Variants in UBE2Q2 observed in about 807,000 individuals in gnomAD.
UBE2Q2 encodes the protein ubiquitin-conjugating enzyme E2 Q2.
In UBE2Q2, 54 loss-of-function variants were observed where a neutral mutation model predicts 59.9. The observed-to-expected ratio is 0.90, with a 90% CI of 0.72 to 1.13. The LOEUF (loss-of-function observed/expected upper bound fraction) is 1.13. Among genes scored for constraint, UBE2Q2 ranks in the 50% most tolerant of loss-of-function variants. UBE2Q2 has a pLI of 0.00. For missense variants in UBE2Q2, 433 were observed against 441.9 expected, an observed-to-expected ratio of 0.98 and a Z score of 0.18; for synonymous variants, 165 against 155.2, an observed-to-expected ratio of 1.06 and a Z score of -0.47.
chr15:75,863,758 T>C (rs895525956), intron 3 of UBE2Q2, among the ~76,000 whole-genome samples: 1 of 152,044 alleles, frequency 6.6e-6, no homozygotes, highest in African/African-American at 2.4e-5. Flanking sequence ...TTCTCCTGCC[T>C]CAGTCTCCCC....
chr15:75,864,153 A>T (rs1281162871), intron 3 of UBE2Q2, among the ~76,000 whole-genome samples: 1 of 152,048 alleles, frequency 6.6e-6, no homozygotes, highest in Non-Finnish European at 1.5e-5. Context: ...TTGGATTTTT[A>T]CTTCTATATT....
chr15:75,869,723 GC>G, intron 4 of UBE2Q2, among the ~76,000 whole-genome samples: 1 of 152,188 alleles, frequency 6.6e-6, no homozygotes, highest in Non-Finnish European at 1.5e-5. Context: ...CCTCTTAATA[GC>G]ATCACATTGG....
At chr15:75,868,893 TACTCA>T (rs1897639454) in intron 3 of UBE2Q2, 53 bp from the exon 4 acceptor site, 1 of 1,498,930 alleles carries the variant, frequency 6.7e-7, no homozygotes, top group South Asian at 1.1e-5. Context: ...TCTTCTAATG[TACTCA>T]GCCTGTGCAT....
chr15:75,853,386 G>A (rs1397349770), intron 1 of UBE2Q2, among the ~76,000 whole-genome samples: 5 of 152,060 alleles, frequency 3.3e-5, no homozygotes, highest in South Asian at 2.1e-4. Flanking sequence ...CAGGAGAATC[G>A]CTTGAACCTA....
At chr15:75,865,079 G>A (rs942975811) in intron 3 of UBE2Q2, among the ~76,000 whole-genome samples, 8 of 152,224 alleles carry the variant, frequency 5.3e-5, no homozygotes, top group African/African-American at 1.9e-4. Context: ...TAATTAGAGT[G>A]AATACTTGGG....
intron 9 of UBE2Q2, among the ~76,000 whole-genome samples, chr15:75,890,016 T>C (rs1405433337): frequency 6.6e-6 from 1 of 152,192 alleles, no homozygotes; most frequent in African/African-American, 2.4e-5. Flanking sequence ...CTTCATAGCA[T>C]GGATAGGGTA....
At chr15:75,876,083 A>AAAATTT in intron 5 of UBE2Q2, 104 bp from the exon 6 acceptor site, 2 of 1,130,674 alleles carry the variant, frequency 1.8e-6, no homozygotes, top group Non-Finnish European at 2.5e-6. Flanking sequence ...AAAAAAAAAA[A>AAAATTT]TGTTGAGTGG....
At chr15:75,858,614 T>A (rs761777973) in intron 2 of UBE2Q2, among the ~76,000 whole-genome samples, 1 of 152,158 alleles carries the variant, frequency 6.6e-6, no homozygotes, top group African/African-American at 2.4e-5. Flanking sequence ...AAAATTGAAA[T>A]TCGTGGAGAG....
At chr15:75,879,633 A>G (rs1898286372) in intron 8 of UBE2Q2, among the ~76,000 whole-genome samples, 1 of 152,266 alleles carries the variant, frequency 6.6e-6, no homozygotes, top group Admixed American at 6.5e-5. Context: ...GTGAAAACTG[A>G]TCTTTAGAGT....
chr15:75,875,013 G>A (rs1261005800), intron 5 of UBE2Q2, among the ~76,000 whole-genome samples: 1 of 152,124 alleles, frequency 6.6e-6, no homozygotes, highest in Non-Finnish European at 1.5e-5. Context: ...AAGAAATTTA[G>A]TCAAGCCCCC....
At chr15:75,872,219 C>G (rs1897832917) in intron 4 of UBE2Q2, among the ~76,000 whole-genome samples, 1 of 151,398 alleles carries the variant, frequency 6.6e-6, no homozygotes, top group South Asian at 2.1e-4. Context: ...CGGAGCGAGA[C>G]TCCATCTCAA....
intron 2 of UBE2Q2, among the ~76,000 whole-genome samples, chr15:75,856,269 G>GTGTGTGTGTATATATATATATA (rs1256142539): frequency 4.8e-4 from 67 of 139,256 alleles, no homozygotes; most frequent in African/African-American, 1.7e-3. Flanking sequence ...GTGTGTGTGT[G>GTGTGTGTGTATATATATATATA]TATATATATA....
intron 5 of UBE2Q2, among the ~76,000 whole-genome samples, chr15:75,873,954 G>A (rs1018155223): frequency 2.0e-5 from 3 of 151,908 alleles, no homozygotes; most frequent in Admixed American, 6.6e-5. Context: ...CTTGGCCTCC[G>A]AAACTACTGG....
At chr15:75,881,009 T>C (rs1293590716) in intron 8 of UBE2Q2, among the ~76,000 whole-genome samples, 1 of 152,204 alleles carries the variant, frequency 6.6e-6, no homozygotes, top group African/African-American at 2.4e-5. Context: ...TTTGTTATTA[T>C]AGAAACTGTT....
At chr15:75,886,819 G>T (rs1171171211) in intron 9 of UBE2Q2, among the ~76,000 whole-genome samples, 1 of 151,868 alleles carries the variant, frequency 6.6e-6, no homozygotes, top group Non-Finnish European at 1.5e-5. Flanking sequence ...CCCAGGAGGT[G>T]GAGGTTGCAG....
chr15:75,863,681 C>T (rs965777875), intron 3 of UBE2Q2, among the ~76,000 whole-genome samples: 26 of 150,664 alleles, frequency 1.7e-4, no homozygotes, highest in Non-Finnish European at 3.4e-4. Flanking sequence ...TCTCGCCTGT[C>T]GCCCAGGATG....
At position 75,843,703 on chromosome 15, in the gene UBE2Q2, C is replaced by T. The variant is rs1299311197; in HGVS notation, c.37C>T (p.Leu13=). ...AGGGCTCAAGGCCGAGCTGAAGTTC[C>T]TGGCGTCCATCTTCGACAAGAACCA... is the stretch of plus-strand genomic sequence containing the variant. ...VSGLKAELKF[L]ASIFDKNHER... The change falls in exon 1 of 13, where the codon CTG becomes TTG. Residue 13 remains leucine, a synonymous_variant. Transcript: ENST00000267938. 9 of 1,611,428 alleles carry T rather than the reference C, an allele frequency of 5.6e-6. No homozygotes were observed. The highest frequency in any genetic ancestry group is 6.8e-6 in the Non-Finnish European group (8 of 1,178,980).
chr15:75,899,446 G>A lies in UBE2Q2; in HGVS notation c.1116G>A (p.Lys372=), dbSNP rs1899635527. The change falls in exon 13 of 13, where the codon AAG becomes AAA. Residue 372 remains lysine, a synonymous_variant. Coordinates refer to ENST00000267938, the MANE Select transcript of UBE2Q2 (RefSeq NM_173469.4). ...HEKNGWYTPP[K]EDG ...TTTCAGGCTGGTACACCCCTCCAAA[G>A]GAAGATGGCTAAATGTGTTGACTGT... 1.9e-6 allele frequency: 3 copies of A among 1,592,266 alleles called. No homozygotes were observed. The highest frequency in any genetic ancestry group is 1.1e-5 in the South Asian group (1 of 87,790).
chr15:75,848,170 T>C (rs1896453412), intron 1 of UBE2Q2, among the ~76,000 whole-genome samples: 1 of 152,236 alleles, frequency 6.6e-6, no homozygotes, highest in Admixed American at 6.5e-5. Flanking sequence ...TTGGCAATGA[T>C]ATTATGTTCT....
Sources: gnomAD v4.1 joint callset for allele counts (sites outside exome capture counted in the v4.1 genomes callset) on GRCh38, gnomAD v4.1.1 for gene constraint, MANE v1.5 for transcripts, NCBI Gene and HGNC (gene_info 2026-07-23, HGNC 2026-07-21) for gene names.